Variants in ASPH observed in about 807,000 individuals in gnomAD.
ASPH encodes the protein aspartyl/asparaginyl beta-hydroxylase.
Under a neutral mutation model 118.4 loss-of-function variants are expected in ASPH, and 100 were observed. The ratio of observed to expected loss-of-function variants is 0.84; its 90% confidence interval spans 0.72 to 1.00. The LOEUF (loss-of-function observed/expected upper bound fraction) is 1.00. ASPH is among the 50% of genes least tolerant of loss of function. The probability of loss-of-function intolerance (pLI) is 0.00; values close to 1 mark genes in which losing one functional copy is unlikely to be tolerated. For synonymous variants in ASPH, 315 were observed against 325.6 expected (o/e 0.97, Z 0.35); for missense variants, 920 against 919.5 (o/e 1.00, Z -0.01).
chr8:61,672,263 T>C (rs1188683218), intron 3 of ASPH, among the ~76,000 whole-genome samples: 1 of 151,888 alleles, frequency 6.6e-6, no homozygotes, highest in African/African-American at 2.4e-5. Flanking sequence ...AAGAAAAAGC[T>C]ACAAACCCAC....
chr8:61,637,917 G>A, intron 12 of ASPH, 30 bp downstream of exon 12: 1 of 1,585,098 alleles, frequency 6.3e-7, no homozygotes, highest in South Asian at 1.1e-5. Flanking sequence ...TCATATGGAA[G>A]GTAAAACCAC....
intron 22 of ASPH, 145 bp downstream of exon 22, chr8:61,525,832 G>T: frequency 8.9e-7 from 1 of 1,119,632 alleles, no homozygotes; most frequent in Non-Finnish European, 1.3e-6. Context: ...AACAATGAAT[G>T]GATTTCAAAA....
rs145545534 is a variant in ASPH at position 61,548,182 on chromosome 8, G to A, written c.1653C>T (p.His551=). The A allele has an allele frequency of 1.2e-6, 2 of 1,613,760 alleles. No individual in the cohort carries two copies. Among genetic ancestry groups the A allele is most frequent in the African/African-American group, 1.3e-5 (1 of 75,012 alleles). ...KEAYKWYELG[H]KRGHFASVWQ... The stretch of plus-strand genomic sequence containing the variant: ...AGACAGATGCAAAGTGTCCTCTCTT[G>A]TGCCCAAGCTCATACCACTTATATG... Residue 551 remains histidine (H), a synonymous_variant, in exon 21 of 25, where the codon CAC becomes CAT. Transcript: ENST00000379454.
rs576861037 is a variant in ASPH at position 61,691,114 on chromosome 8, C to T, written c.104-6926G>A. Among the ~76,000 whole-genome samples, 39 of 152,236 alleles carry T rather than the reference C, an allele frequency of 2.6e-4. 1 individual carries two copies. In the South Asian group the frequency reaches 8.1e-3, roughly 32 times the overall value. On this transcript the variant is annotated intron_variant, in intron 1 of 24. Coordinates refer to ENST00000379454, the MANE Select transcript of ASPH (RefSeq NM_004318.4). ...ACTAAATTATAGAAGGGATTCTTTC[C>T]TCAGATGCCTGTTTTAGGGGCAGTT...
intron 14 of ASPH, 134 bp from the exon 15 acceptor site, chr8:61,584,163 C>T: frequency 1.2e-5 from 7 of 585,988 alleles, no homozygotes; most frequent in South Asian, 2.1e-5. Flanking sequence ...ACACTGCAGG[C>T]TCGCCTTCCA....
chr8:61,651,599 C>CA (rs1811010000), intron 4 of ASPH, among the ~76,000 whole-genome samples: 2 of 152,198 alleles, frequency 1.3e-5, no homozygotes, highest in African/African-American at 4.8e-5. Context: ...GGCACTCCTG[C>CA]AGGTGAGAGG....
chr8:61,675,635 T>C (rs1824876695), intron 3 of ASPH: 2 of 979,852 alleles, frequency 2.0e-6, no homozygotes, highest in South Asian at 9.4e-5. Flanking sequence ...GAGAAGCATT[T>C]AACTTAAAAA....
chr8:61,697,741 G>A (rs1834263284), intron 1 of ASPH, among the ~76,000 whole-genome samples: 1 of 152,216 alleles, frequency 6.6e-6, no homozygotes, highest in Admixed American at 6.5e-5. Flanking sequence ...GGGAAGAAGT[G>A]CCAAGTTTCC....
intron 24 of ASPH, among the ~76,000 whole-genome samples, chr8:61,514,684 G>C (rs551173606): frequency 6.6e-6 from 1 of 152,146 alleles, no homozygotes; most frequent in East Asian, 1.9e-4. Flanking sequence ...ACTCCAGCCT[G>C]GGCGACAGAG....
At chr8:61,658,834 C>A (rs185746953) in intron 3 of ASPH, 1 of 152,090 alleles carries the variant, frequency 6.6e-6, no homozygotes, top group South Asian at 2.1e-4. Flanking sequence ...TATATATACA[C>A]CTGAAATATT....
chr8:61,665,751 C>G, intron 3 of ASPH: 1 of 815,180 alleles, frequency 1.2e-6, no homozygotes, highest in East Asian at 2.8e-5. Flanking sequence ...ATTCACTAGT[C>G]TTTATGGTGG....
rs958234973 is a variant in ASPH at position 61,516,192 on chromosome 8, C to T, written c.2126+1336G>A. Among the ~76,000 whole-genome samples the T allele has an allele frequency of 3.3e-5, 5 of 152,114 alleles. 1 individual carries two copies. In the East Asian group the frequency reaches 5.8e-4, roughly 18 times the overall value. ...ATACCCCTCTTTAGCTTTCAATGTC[C>T]GAATCCTTCTTGTCTTTAAAAACCA... is the stretch of plus-strand genomic sequence containing the variant. On this transcript the variant is annotated intron_variant, in intron 24 of 24. Transcript: ENST00000379454.
chr8:61,584,449 C>A (rs1175954436), intron 14 of ASPH, among the ~76,000 whole-genome samples: 1 of 152,044 alleles, frequency 6.6e-6, no homozygotes, highest in Non-Finnish European at 1.5e-5. Context: ...TGGAAGGCTC[C>A]TCTCAAGGAA....
At chr8:61,689,835 C>T in intron 1 of ASPH, 4 of 1,394,642 alleles carry the variant, frequency 2.9e-6, no homozygotes, top group Non-Finnish European at 3.7e-6. Context: ...ACTGTAAGGG[C>T]CTCTAGAACT....
In ASPH at chr8:61,664,354, G is replaced by GTTT. The variant is rs1176049193; in HGVS notation, c.323-10695_323-10694insAAA. 276 of 974,084 alleles carry GTTT rather than the reference G, an allele frequency of 2.8e-4. No individual in the cohort carries two copies. The African/African-American group carries it at 4.5e-3, about 16-fold the overall frequency. The allele number at this position is 974,084 out of a possible 1,614,324, so 60.3% of individuals were successfully genotyped here. On this transcript the variant is annotated intron_variant, in intron 3 of 24. Coordinates refer to ENST00000379454, the MANE Select transcript of ASPH (RefSeq NM_004318.4). ...AAAAAAAGTGTGATATAAAATGAAA[G>GTTT]TACATTCTAATCTGAAATAATTAAA... is the stretch of plus-strand genomic sequence containing the variant.
intron 14 of ASPH, among the ~76,000 whole-genome samples, chr8:61,613,071 A>G (rs1271311419): frequency 6.6e-6 from 1 of 152,212 alleles, no homozygotes; most frequent in Non-Finnish European, 1.5e-5. Context: ...AAGCACCACT[A>G]GAATAGTGTG....
chr8:61,504,494 G>T (rs953724502), intron 24 of ASPH, among the ~76,000 whole-genome samples: 3 of 152,122 alleles, frequency 2.0e-5, no homozygotes, highest in African/African-American at 7.2e-5. Context: ...AAAACTAGTG[G>T]TGAATTTTTA....
At chr8:61,579,577 G>A (rs1402126122) in intron 15 of ASPH, 1 of 1,523,168 alleles carries the variant, frequency 6.6e-7, no homozygotes, top group Non-Finnish European at 9.0e-7. Flanking sequence ...AGCTCCCTCA[G>A]CCGCACCAGT....
In ASPH at chr8:61,653,555, A is replaced by G. The variant is rs750433618; in HGVS notation, c.415+13T>C. The G allele has an allele frequency of 1.2e-6, 2 of 1,612,250 alleles. No homozygotes were observed. The highest frequency in any genetic ancestry group is 3.4e-5 in the Admixed American group (2 of 59,522). ...CACACCTGGGCGAGACTCGAGGATGAGGACAAGCTTACCTGCCTCCACAGG... is the reference window on the plus strand; with the variant it reads ...CACACCTGGGCGAGACTCGAGGATGGGGACAAGCTTACCTGCCTCCACAGG... On this transcript the variant is annotated intron_variant, in intron 4 of 24. Coordinates refer to ENST00000379454, the MANE Select transcript of ASPH (RefSeq NM_004318.4).
Sources: gnomAD v4.1 joint callset for allele counts (sites outside exome capture counted in the v4.1 genomes callset) on GRCh38, gnomAD v4.1.1 for gene constraint, MANE v1.5 for transcripts, NCBI Gene and HGNC (gene_info 2026-07-23, HGNC 2026-07-21) for gene names.